The following ASIC2 variants were observed in gnomAD, a reference collection of about 807,000 sequenced individuals.
ASIC2 encodes acid sensing ion channel subunit 2, also known as acid-sensing ion channel 2.
ASIC2 carries 25 observed loss-of-function variants against 57.3 expected under a neutral mutation model. The observed-to-expected ratio is 0.44, with a 90% CI of 0.32 to 0.61. The LOEUF is 0.61. Ranked by LOEUF, ASIC2 falls within the 20% of genes least tolerant of loss-of-function variation. The pLI is 0.06. For missense variants in ASIC2, 641 were observed against 738.1 expected, an observed-to-expected ratio of 0.87 and a Z score of 1.52; for synonymous variants, 319 against 307.5, an observed-to-expected ratio of 1.04 and a Z score of -0.39.
At chr17:34,098,040 C>T (rs1049103219) in intron 1 of ASIC2, among the ~76,000 whole-genome samples, 8 of 148,980 alleles carry the variant, frequency 5.4e-5, no homozygotes, top group African/African-American at 1.9e-4. Context: ...TCATGCATTG[C>T]TTTTGTCCCC....
chr17:34,153,346 T>C (rs190473764), intron 1 of ASIC2, among the ~76,000 whole-genome samples: 10 of 152,246 alleles, frequency 6.6e-5, no homozygotes, highest in African/African-American at 2.4e-4. Flanking sequence ...GCCTCAAAAA[T>C]AAGCCAACTG....
At chr17:33,722,775 A>C (rs1003891198) in intron 1 of ASIC2, among the ~76,000 whole-genome samples, 3 of 152,160 alleles carry the variant, frequency 2.0e-5, no homozygotes, top group African/African-American at 7.2e-5. Context: ...ATAAAACAAC[A>C]ATGGCAACAA....
chr17:33,610,105 A>G (rs770108119), intron 1 of ASIC2, among the ~76,000 whole-genome samples: 6 of 148,614 alleles, frequency 4.0e-5, no homozygotes, highest in Non-Finnish European at 9.0e-5. Context: ...TGCACACACA[A>G]CTGGATGCAT....
intron 1 of ASIC2, among the ~76,000 whole-genome samples, chr17:33,263,888 C>A (rs1039239285): frequency 6.6e-6 from 1 of 152,192 alleles, no homozygotes; most frequent in Non-Finnish European, 1.5e-5. Context: ...TCACATGATA[C>A]CGGCTAAGTA....
chr17:33,969,661 A>G (rs568317544), intron 1 of ASIC2, among the ~76,000 whole-genome samples: 20 of 152,136 alleles, frequency 1.3e-4, no homozygotes, highest in Non-Finnish European at 2.6e-4. Flanking sequence ...CACCCGAGGG[A>G]CGGGAGCTGT....
intron 1 of ASIC2, among the ~76,000 whole-genome samples, chr17:33,176,065 C>T (rs1412572070): frequency 6.6e-6 from 1 of 152,170 alleles, no homozygotes; most frequent in East Asian, 1.9e-4. Context: ...GGCTGTTTCC[C>T]CTTACTGGAA....
rs965515648 is a variant in ASIC2, at chr17:33,390,977, T to C, written c.556-278910A>G. Among the ~76,000 whole-genome samples, 5 of 152,350 alleles carry C rather than the reference T, an allele frequency of 3.3e-5. No homozygotes were observed. In the East Asian group the frequency reaches 9.6e-4, roughly 29 times the overall value. On this transcript the variant is annotated intron_variant, in intron 1 of 9. Transcript: ENST00000359872. ...TGGAGCTGTCTGAGAGGCTGCCTGC[T>C]GCATGCTGCTTTCTCCAGGATGGAG...
At chr17:34,124,878 T>C (rs1911731574) in intron 1 of ASIC2, among the ~76,000 whole-genome samples, 1 of 151,996 alleles carries the variant, frequency 6.6e-6, no homozygotes, top group Non-Finnish European at 1.5e-5. Flanking sequence ...TATCATCATA[T>C]TGGGGATTAG....
intron 1 of ASIC2, among the ~76,000 whole-genome samples, chr17:33,969,885 G>A (rs1042651551): frequency 6.6e-5 from 10 of 152,130 alleles, no homozygotes; most frequent in African/African-American, 1.4e-4. Flanking sequence ...CACCTGCCTC[G>A]CTAGGCCTCC....
rs749566091 is a variant in ASIC2, at chr17:33,650,212, G to A, written c.555+505766C>T. ...TTTCACTGAAGAGAATATACAGATG[G>A]CAAATAAGCACATGAAAAATGCTCG... is the stretch of plus-strand genomic sequence containing the variant. On this transcript the variant is annotated intron_variant, in intron 1 of 9. Coordinates refer to the ASIC2 transcript ENST00000359872. Among the ~76,000 whole-genome samples, 5 of 152,088 alleles carry A rather than the reference G, an allele frequency of 3.3e-5. No homozygotes were observed. In the South Asian group the frequency reaches 6.2e-4, roughly 19 times the overall value.
intron 1 of ASIC2, among the ~76,000 whole-genome samples, chr17:33,330,648 T>C (rs1336125911): frequency 6.6e-6 from 1 of 152,136 alleles, no homozygotes; most frequent in Non-Finnish European, 1.5e-5. Context: ...TTTCTAATAC[T>C]CCTTTTTCCT....
intron 1 of ASIC2, among the ~76,000 whole-genome samples, chr17:33,373,903 C>T (rs1475594901): frequency 3.9e-5 from 6 of 152,196 alleles, no homozygotes; most frequent in African/African-American, 1.4e-4. Context: ...CTCTAGACCT[C>T]CTGACCTCAG....
At chr17:34,129,973 C>T (rs1911902322) in intron 1 of ASIC2, among the ~76,000 whole-genome samples, 1 of 152,222 alleles carries the variant, frequency 6.6e-6, no homozygotes, top group Non-Finnish European at 1.5e-5. Flanking sequence ...CCCAGTGGAG[C>T]AGGAAGTACT....
rs923903555 is a variant in ASIC2, at chr17:33,909,753, T to G, written c.555+246225A>C. Among the ~76,000 whole-genome samples, 17 of 152,340 alleles carry G rather than the reference T, an allele frequency of 1.1e-4. 1 individual carries two copies. In the East Asian group the frequency reaches 3.3e-3, roughly 29 times the overall value. On this transcript the variant is annotated intron_variant, in intron 1 of 9. Transcript: ENST00000359872. ...ATGTTGAAATGATCATTATATAATT[T>G]GGGGGTGAGAAGATATTTCCTCAAT...
At chr17:33,983,206 A>G (rs1905690760) in intron 1 of ASIC2, among the ~76,000 whole-genome samples, 1 of 152,182 alleles carries the variant, frequency 6.6e-6, no homozygotes, top group African/African-American at 2.4e-5. Flanking sequence ...GATTTCAGAG[A>G]ACTTGTTCCC....
At chr17:33,189,004 G>C (rs1906310890) in intron 1 of ASIC2, among the ~76,000 whole-genome samples, 1 of 152,106 alleles carries the variant, frequency 6.6e-6, no homozygotes, top group Non-Finnish European at 1.5e-5. Context: ...GATGGGGTGT[G>C]GGAGAGGGAA....
At chr17:33,297,365 G>T (rs563001360), upstream of ASIC2, among the ~76,000 whole-genome samples, 1 of 152,274 alleles carries the variant, frequency 6.6e-6, no homozygotes, top group South Asian at 2.1e-4. Context: ...TCTGCGGGTG[G>T]TTGGGGGCTC....
chr17:33,760,600 G>A (rs2142111972), intron 1 of ASIC2, among the ~76,000 whole-genome samples: 1 of 147,374 alleles, frequency 6.8e-6, no homozygotes, highest in African/African-American at 2.5e-5. Context: ...CAGGATATAT[G>A]CAAGATATAT....
chr17:33,874,796 G>T (rs1040642273), intron 1 of ASIC2, among the ~76,000 whole-genome samples: 1 of 152,208 alleles, frequency 6.6e-6, no homozygotes, highest in Non-Finnish European at 1.5e-5. Flanking sequence ...ACTGCCTGAA[G>T]TTACCTCTGG....
Sources: allele counts gnomAD v4.1 joint callset (sites outside exome capture counted in the v4.1 genomes callset), GRCh38; gene constraint gnomAD v4.1.1; transcripts MANE v1.5; gene names NCBI Gene and HGNC (gene_info 2026-07-23, HGNC 2026-07-21).